Variants in THAP5 observed in about 807,000 individuals in gnomAD.
THAP5 encodes the protein THAP domain containing 5.
THAP5 carries 26 observed loss-of-function variants against 34.0 expected under a neutral mutation model. That is an observed-to-expected ratio of 0.77 (90% CI 0.56 to 1.06). THAP5 has a LOEUF of 1.06. THAP5 is among the 50% of genes least tolerant of loss of function. The pLI is 0.00. For missense variants in THAP5, 394 were observed against 452.8 expected (o/e 0.87, Z 1.18); for synonymous variants, 125 against 153.0 (o/e 0.82, Z 1.35).
Position 108,569,549 on chromosome 7 carries a change from C to T in THAP5, c.21G>A (p.Ala7=). 1 of 1,551,730 alleles carries T rather than the reference C, an allele frequency of 6.4e-7. No homozygotes were observed. Among genetic ancestry groups the T allele is most frequent in the Non-Finnish European group, 8.7e-7 (1 of 1,147,022 alleles). The change falls in exon 1 of 3, where the codon GCG becomes GCA. Residue 7 remains alanine (A), a synonymous_variant. Transcript: ENST00000415914. MPRYCA[A]ICCKNRRGRN... is the part of the protein sequence containing the mutation. The stretch of plus-strand genomic sequence containing the variant: ...GTCCCCGGCGGTTCTTACAACAAAT[C>T]GCTGCGCAATAGCGGGGCATGACTC...
At chr7:108,542,225 G>C in the THAP5 span, among the ~76,000 whole-genome samples, 1 of 152,154 alleles carries the variant, frequency 6.6e-6, no homozygotes, top group Non-Finnish European at 1.5e-5. Flanking sequence ...GTGGACTTGA[G>C]TGGCATTTTT....
downstream of THAP5, among the ~76,000 whole-genome samples, chr7:108,553,727 CTGA>C (rs1244275869): frequency 1.3e-5 from 2 of 152,120 alleles, no homozygotes; most frequent in African/African-American, 2.4e-5. Flanking sequence ...GAGAACCTTG[CTGA>C]GGATTGCCAG....
At chr7:108,557,673 A>G (rs2154517907), downstream of THAP5, among the ~76,000 whole-genome samples, 1 of 152,276 alleles carries the variant, frequency 6.6e-6, no homozygotes, top group South Asian at 2.1e-4. Flanking sequence ...ACAACCATTC[A>G]ACAAGTCTCT....
In THAP5 at chr7:108,564,643, A is replaced by T; in HGVS notation, c.736T>A (p.Ser246Thr). Residue 246 changes from serine to threonine, a missense_variant, in exon 3 of 3, where the codon TCA (serine) becomes ACA (threonine). Transcript: ENST00000415914. Reference protein sequence around the residue: ...NFTSNSMEIKSAQENPFLFST... With the variant: ...NFTSNSMEIKTAQENPFLFST... ...AATAAGAATGGATTTTCCTGTGCTG[A>T]CTTTATTTCCATGGAATTACTTGTA... 2 of 1,613,984 alleles carry T rather than the reference A, an allele frequency of 1.2e-6. No homozygotes were observed. The highest frequency in any genetic ancestry group is 1.1e-5 in the South Asian group (1 of 91,084).
chr7:108,548,121 C>A, the THAP5 span, among the ~76,000 whole-genome samples: 1 of 152,184 alleles, frequency 6.6e-6, no homozygotes, highest in African/African-American at 2.4e-5. Context: ...ATTTACACTA[C>A]AATTCAAGTT....
At chr7:108,568,979 CAGA>C (rs1204974298) in intron 1 of THAP5, 2 of 389,370 alleles carry the variant, frequency 5.1e-6, no homozygotes, top group South Asian at 8.4e-5. Flanking sequence ...CAGCCCTAAG[CAGA>C]AGACTAGTTT....
Position 108,565,980 on chromosome 7 carries a change from C to T in THAP5, c.123G>A (p.Lys41=). The T allele has an allele frequency of 3.2e-6, 5 of 1,543,952 alleles. No homozygotes were observed. Among genetic ancestry groups the T allele is most frequent in the Non-Finnish European group, 4.4e-6 (5 of 1,144,548 alleles). The change falls in exon 2 of 3, where the codon AAG becomes AAA. Residue 41 remains lysine, a synonymous_variant. Transcript: ENST00000415914. ...HDKERLEKWL[K]NMKRDSWVPS... ...GAACCCATGAATCTCGCTTCATATT[C>T]TTTAACCACTTTTCCAGTCTTTCTT...
At chr7:108,558,377 G>GTGTGTATATATATA (rs1401164750), downstream of THAP5, among the ~76,000 whole-genome samples, 153 of 62,966 alleles carry the variant, frequency 2.4e-3, 1 homozygote, top group African/African-American at 0.01. Context: ...ATGTGTGTGT[G>GTGTGTATATATATA]TATGTATATA....
downstream of THAP5, among the ~76,000 whole-genome samples, chr7:108,551,469 T>C (rs754850528): frequency 2.6e-5 from 4 of 152,244 alleles, no homozygotes; most frequent in Non-Finnish European, 5.9e-5. Flanking sequence ...CCTCATCAAA[T>C]GCTGGCGCCT....
In THAP5 at chr7:108,562,890, T is replaced by C. The variant is rs1298112824; in HGVS notation, c.*1301A>G. On this transcript the variant is annotated 3_prime_UTR_variant, in exon 3 of 3. Transcript: ENST00000415914. ...AGATCATGACCACTTATGTATAATT[T>C]CTTGCTTATAAATTTTAATAAAATA... is the stretch of plus-strand genomic sequence containing the variant. 1 of 152,194 alleles carries C rather than the reference T, an allele frequency of 6.6e-6. No homozygotes were observed. Among genetic ancestry groups the C allele is most frequent in the African/African-American group, 2.4e-5 (1 of 41,450 alleles). 9.4% of individuals were successfully genotyped at this position (152,194 alleles called of 1,614,324 possible).
chr7:108,568,100 A>G (rs1237246118), intron 1 of THAP5, among the ~76,000 whole-genome samples: 2 of 152,216 alleles, frequency 1.3e-5, no homozygotes, highest in Admixed American at 1.3e-4. Flanking sequence ...CTGAAAGTGG[A>G]TTAGATTGTT....
chr7:108,558,109 C>T (rs1375385014), downstream of THAP5, among the ~76,000 whole-genome samples: 1 of 151,816 alleles, frequency 6.6e-6, no homozygotes, highest in African/African-American at 2.4e-5. Context: ...GGGGAAATTT[C>T]CCCCATGATC....
At chr7:108,545,087 G>A in the THAP5 span, among the ~76,000 whole-genome samples, 1 of 152,166 alleles carries the variant, frequency 6.6e-6, no homozygotes, top group African/African-American at 2.4e-5. Context: ...TATTTAGAAA[G>A]ATATAGATTG....
At chr7:108,567,460 GCTA>G (rs1466372821) in intron 1 of THAP5, among the ~76,000 whole-genome samples, 1 of 151,762 alleles carries the variant, frequency 6.6e-6, no homozygotes, top group African/African-American at 2.4e-5. Context: ...GTACCTATAT[GCTA>G]AGTTATCAAC....
downstream of THAP5, among the ~76,000 whole-genome samples, chr7:108,552,806 A>G (rs200586891): frequency 1.5e-4 from 2 of 13,526 alleles, no homozygotes; most frequent in Non-Finnish European, 2.6e-4. Flanking sequence ...TCTCAGGGGA[A>G]AAAAAAAAAT....
chr7:108,558,363 GTATA>G (rs1864400839), downstream of THAP5, among the ~76,000 whole-genome samples: 1 of 104,478 alleles, frequency 9.6e-6, no homozygotes, highest in African/African-American at 4.1e-5. Flanking sequence ...GTGTATATAT[GTATA>G]TGTGTGTGTG....
chr7:108,558,373 G>GTT (rs1864401023), downstream of THAP5, among the ~76,000 whole-genome samples: 1 of 60,720 alleles, frequency 1.6e-5, no homozygotes, highest in African/African-American at 9.0e-5. Flanking sequence ...GTATATGTGT[G>GTT]TGTGTATGTA....
At position 108,564,194 on chromosome 7, in the gene THAP5, T is replaced by C. The variant is rs1395212870; in HGVS notation, c.1185A>G (p.Ile395Met). The C allele has an allele frequency of 1.3e-6, 2 of 1,572,770 alleles. No individual in the cohort carries two copies. Among genetic ancestry groups the C allele is most frequent in the Admixed American group, 2.0e-5 (1 of 50,550 alleles). The stretch of plus-strand genomic sequence containing the variant: ...ATAGTTTTAAAACCTAGTTATTCTA[T>C]ATCATAGTGACTTCATATGTTGTAA... ...NHFTTYEVTM[I>M] Residue 395 changes from isoleucine (I) to methionine (M), a missense_variant, in exon 3 of 3, where the codon ATA becomes ATG. Physicochemically the swap from Ile to Met is conservative, Grantham distance 10. Transcript: ENST00000415914.
intron 1 of THAP5, chr7:108,568,680 A>C (rs1290200266): frequency 6.5e-6 from 1 of 154,436 alleles, no homozygotes; most frequent in African/African-American, 2.4e-5. Flanking sequence ...GCAGTATTTT[A>C]AATATGTTGC....
Sources: allele counts gnomAD v4.1 joint callset (sites outside exome capture counted in the v4.1 genomes callset), GRCh38; gene constraint gnomAD v4.1.1; transcripts MANE v1.5; gene names NCBI Gene and HGNC (gene_info 2026-07-23, HGNC 2026-07-21).